The following USP14 variants were observed in gnomAD, a reference collection of about 807,000 sequenced individuals.
The protein encoded by USP14 is ubiquitin specific peptidase 14.
USP14 carries 38 observed loss-of-function variants against 76.5 expected under a neutral mutation model. The ratio of observed to expected loss-of-function variants is 0.50; its 90% confidence interval spans 0.38 to 0.65. The LOEUF (loss-of-function observed/expected upper bound fraction) is 0.65, where lower values mean the gene tolerates loss of function less well. Among genes scored for constraint, USP14 ranks in the 30% least tolerant of loss-of-function variants. The probability of loss-of-function intolerance (pLI) is 0.00; values close to 1 mark genes in which losing one functional copy is unlikely to be tolerated. For synonymous variants in USP14, 192 were observed against 191.7 expected (o/e 1.00, Z -0.01); for missense variants, 467 against 586.5 (o/e 0.80, Z 2.10).
intron 5 of USP14, among the ~76,000 whole-genome samples, chr18:187,246 T>C (rs376467867): frequency 8.5e-5 from 13 of 152,188 alleles, no homozygotes; most frequent in Admixed American, 4.6e-4. Flanking sequence ...TATTATTAAA[T>C]ATTTTTGAGA....
chr18:179,199 T>G (rs911682735), intron 4 of USP14, among the ~76,000 whole-genome samples, 162 bp downstream of exon 4: 2 of 152,196 alleles, frequency 1.3e-5, no homozygotes, highest in Admixed American at 1.3e-4. Context: ...TTTGATTAGC[T>G]TAAGGGAGTC....
intron 4 of USP14, among the ~76,000 whole-genome samples, chr18:179,622 C>G (rs1438178949): frequency 7.8e-6 from 1 of 128,086 alleles, no homozygotes; most frequent in Non-Finnish European, 1.6e-5. Flanking sequence ...GGGTCTTGCT[C>G]TGTCACCCCG....
intron 3 of USP14, 164 bp from the exon 4 acceptor site, chr18:178,769 C>G: frequency 2.0e-6 from 1 of 502,196 alleles, no homozygotes; most frequent in African/African-American, 2.0e-5. Context: ...CTCCCTCTCC[C>G]CATCTCCAGT....
intron 1 of USP14, among the ~76,000 whole-genome samples, chr18:159,382 G>A (rs545684): frequency 0.76 from 115,427 of 152,118 alleles, 44,033 homozygotes; most frequent in East Asian, 0.97. Flanking sequence ...GCGTTTGACA[G>A]GGGCTTGTAT....
chr18:163,192 A>G, intron 1 of USP14, 116 bp from the exon 2 acceptor site: 4 of 937,800 alleles, frequency 4.3e-6, no homozygotes, highest in Non-Finnish European at 6.3e-6. Context: ...TTATGGGCAT[A>G]GAAAGATGAA....
intron 3 of USP14, among the ~76,000 whole-genome samples, chr18:172,245 C>T (rs901152489): frequency 4.6e-5 from 7 of 152,008 alleles, no homozygotes; most frequent in South Asian, 2.1e-4. Context: ...ATCTAAAAAA[C>T]GAAAAAGAAT....
intron 13 of USP14, among the ~76,000 whole-genome samples, chr18:205,677 A>G (rs1910510049): frequency 6.6e-6 from 1 of 152,184 alleles, no homozygotes; most frequent in Non-Finnish European, 1.5e-5. Context: ...GCTACTTGGG[A>G]GGCTGAGATG....
rs756798014 is a variant in USP14, at chr18:198,159, T to C, written c.761+27T>C. ...TATCCTTATGAGCCAAGATATAGAC[T>C]ATACTCATACCTTATTAGAATTGGC... On this transcript the variant is annotated intron_variant, in intron 9 of 15. Transcript: ENST00000261601. 6 of 1,563,674 alleles carry C rather than the reference T, an allele frequency of 3.8e-6. No individual in the cohort carries two copies. In the African/African-American group the frequency reaches 6.8e-5, roughly 18 times the overall value.
chr18:171,025 A>AAAATATATATATATATAT lies in USP14; in HGVS notation c.195+4207_195+4208insAATATATATATATATATA, dbSNP rs1327304974. 2.9e-4 allele frequency among the ~76,000 whole-genome samples: 14 copies of AAAATATATATATATATAT among 47,642 alleles called. No individual in the cohort carries two copies. The East Asian group carries it at 3.7e-3, about 13-fold the overall frequency. 31.3% of individuals were successfully genotyped at this position (47,642 alleles called of 152,430 possible). On this transcript the variant is annotated intron_variant, in intron 3 of 15. Transcript: ENST00000261601. The stretch of plus-strand genomic sequence containing the variant: ...CCTGGAACTTAAAAAAAAAAAAAAA[A>AAAATATATATATATATAT]ATATATATATATATATATATATATA...
chr18:180,191 A>G (rs759059929), intron 4 of USP14, 45 bp from the exon 5 acceptor site: 3 of 1,116,416 alleles, frequency 2.7e-6, no homozygotes, highest in Admixed American at 2.7e-5. Context: ...ATTTTGTAAA[A>G]ATGGTTTAAT....
At position 198,066 on chromosome 18, in the gene USP14, C is replaced by T. The variant is rs537465181; in HGVS notation, c.695C>T (p.Ser232Leu). 24 of 1,610,080 alleles carry T rather than the reference C, an allele frequency of 1.5e-5. No homozygotes were observed. Among genetic ancestry groups the T allele is most frequent in the South Asian group, 3.3e-5 (3 of 90,310 alleles). Residue 232 changes from serine (S) to leucine (L), a missense_variant, in exon 9 of 16, where the codon TCG becomes TTG. Physicochemically the swap from Ser to Leu is moderately radical, Grantham distance 145. Coordinates refer to ENST00000261601, the MANE Select transcript of USP14 (RefSeq NM_005151.4). ...SVKETDSSSA[S>L]AATPSKKKSL... ...TTGCAGACAGACTCCTCATCTGCATCGGCAGCGACACCTTCTAAAAAGAAA... is the reference window on the plus strand; with the variant it reads ...TTGCAGACAGACTCCTCATCTGCATTGGCAGCGACACCTTCTAAAAAGAAA...
At chr18:204,500 T>C in intron 12 of USP14, 64 bp from the exon 13 acceptor site, 6 of 1,311,228 alleles carry the variant, frequency 4.6e-6, no homozygotes, top group Non-Finnish European at 6.1e-6. Context: ...TTCAGATATG[T>C]GATACTTTAA....
At chr18:191,927 T>A (rs115281583) in intron 5 of USP14, among the ~76,000 whole-genome samples, 2,414 of 152,306 alleles carry the variant, frequency 0.016, 72 homozygotes, top group African/African-American at 0.055. Context: ...GCTTTTGTAA[T>A]AAGACATTGT....
intron 12 of USP14, among the ~76,000 whole-genome samples, chr18:204,181 G>C (rs1910463165): frequency 6.6e-6 from 1 of 151,432 alleles, no homozygotes; most frequent in African/African-American, 2.4e-5. Context: ...TCTATGTAAA[G>C]TTGTATTTCA....
chr18:199,648 G>A (rs886396262), intron 10 of USP14, among the ~76,000 whole-genome samples: 1 of 152,196 alleles, frequency 6.6e-6, no homozygotes, highest in African/African-American at 2.4e-5. Flanking sequence ...TGGGAAGGCT[G>A]TGATGTGCCT....
At chr18:191,642 G>A (rs1207004579) in intron 5 of USP14, among the ~76,000 whole-genome samples, 1 of 152,052 alleles carries the variant, frequency 6.6e-6, no homozygotes, top group Non-Finnish European at 1.5e-5. Context: ...ATTCTGAAAC[G>A]TAAAATAAAC....
intron 3 of USP14, among the ~76,000 whole-genome samples, chr18:171,249 T>C (rs538050387): frequency 7.2e-5 from 11 of 151,934 alleles, no homozygotes; most frequent in African/African-American, 1.9e-4. Context: ...CAGCCTGATA[T>C]TGGAAAAAGA....
chr18:181,561 A>G (rs1306541901), intron 5 of USP14, among the ~76,000 whole-genome samples: 2 of 152,180 alleles, frequency 1.3e-5, no homozygotes, highest in African/African-American at 4.8e-5. Flanking sequence ...TTTTACATAT[A>G]TACAAGTTCC....
chr18:183,016 A>T (rs1482253949), intron 5 of USP14, among the ~76,000 whole-genome samples: 1 of 152,206 alleles, frequency 6.6e-6, no homozygotes, highest in African/African-American at 2.4e-5. Context: ...TATCCTCTGA[A>T]TTCTAGGTAG....
Sources: allele counts gnomAD v4.1 joint callset (sites outside exome capture counted in the v4.1 genomes callset), GRCh38; gene constraint gnomAD v4.1.1; transcripts MANE v1.5; gene names NCBI Gene and HGNC (gene_info 2026-07-23, HGNC 2026-07-21).